ICE2: variants seen among roughly 807,000 people sequenced by gnomAD.
ICE2 encodes little elongation complex subunit 2.
In ICE2, 87 loss-of-function variants were observed where a neutral mutation model predicts 105.4. The observed-to-expected ratio is 0.83, with a 90% CI of 0.69 to 0.99. ICE2 has a LOEUF of 0.99. Among genes scored for constraint, ICE2 ranks in the 50% least tolerant of loss-of-function variants. The pLI, the probability that ICE2 is intolerant of heterozygous loss-of-function variation, is 0.00. For synonymous variants in ICE2, 399 were observed against 392.0 expected, an observed-to-expected ratio of 1.02 and a Z score of -0.21; for missense variants, 1,323 against 1,146.7, an observed-to-expected ratio of 1.15 and a Z score of -2.22.
chr15:60,467,418 A>T (rs1373249133), intron 4 of ICE2, among the ~76,000 whole-genome samples: 1 of 152,256 alleles, frequency 6.6e-6, no homozygotes, highest in Non-Finnish European at 1.5e-5. Context: ...AAAGCAAGAG[A>T]TCATTTTTCC....
intron 12 of ICE2, chr15:60,438,909 T>C (rs1209118578): frequency 7.9e-5 from 12 of 152,234 alleles, no homozygotes; most frequent in Admixed American, 7.9e-4. Flanking sequence ...CACAGTGTGC[T>C]GTACAAATAT....
At chr15:60,431,119 A>T (rs1239138729) in intron 14 of ICE2, among the ~76,000 whole-genome samples, 1 of 150,892 alleles carries the variant, frequency 6.6e-6, no homozygotes, top group East Asian at 2.0e-4. Context: ...TGATCCGCCT[A>T]CCTCGGCCTC....
At chr15:60,425,038 A>G (rs2063311238) in intron 15 of ICE2, among the ~76,000 whole-genome samples, 1 of 152,142 alleles carries the variant, frequency 6.6e-6, no homozygotes, top group Non-Finnish European at 1.5e-5. Flanking sequence ...CTGAAGGGTG[A>G]TAGTGTAACT....
rs192729715 is a variant in ICE2, at chr15:60,459,073, T to C, written c.529-2279A>G. On this transcript the variant is annotated intron_variant, in intron 5 of 15. Coordinates refer to ENST00000261520, the MANE Select transcript of ICE2 (RefSeq NM_024611.6). ...AACAATGTAAATGTATTTAACGTTA[T>C]TGAACTGTACACTTAAATGGTGAAA... Among the ~76,000 whole-genome samples, 8 of 152,300 alleles carry C rather than the reference T, an allele frequency of 5.3e-5. No individual in the cohort carries two copies. In the East Asian group the frequency reaches 1.4e-3, roughly 26 times the overall value.
intron 9 of ICE2, chr15:60,453,294 C>T (rs1191897297): frequency 4.6e-6 from 5 of 1,080,700 alleles, no homozygotes; most frequent in Non-Finnish European, 5.6e-6. Flanking sequence ...TTAACCACCA[C>T]CATCAAGGAG....
Position 60,476,044 on chromosome 15 carries a change from A to T in ICE2, c.146+19T>A. The stretch of plus-strand genomic sequence containing the variant: ...ACGACCATCAAATATGGAAATAAAT[A>T]ACCAAATAAACATATTACCTGTTGG... On this transcript the variant is annotated intron_variant, in intron 3 of 15. Transcript: ENST00000261520. 1 of 1,464,624 alleles carries T rather than the reference A, an allele frequency of 6.8e-7. No homozygotes were observed. Among genetic ancestry groups the T allele is most frequent in the East Asian group, 2.3e-5 (1 of 42,634 alleles). 90.7% of individuals were successfully genotyped at this position (1,464,624 alleles called of 1,614,324 possible). A position where few individuals can be genotyped will look rare whatever the true frequency, so the allele number is the denominator to read the frequency against.
chr15:60,436,120 C>T (rs2063580968), intron 13 of ICE2, 23 bp downstream of exon 13: 3 of 1,023,790 alleles, frequency 2.9e-6, no homozygotes, highest in Non-Finnish European at 2.8e-6. Context: ...TTTCAATTCT[C>T]ACCACAAAGT....
chr15:60,424,866 A>G lies in ICE2; in HGVS notation c.2821-1104T>C, dbSNP rs574557887. 3.9e-5 allele frequency among the ~76,000 whole-genome samples: 6 copies of G among 152,370 alleles called. 1 individual carries two copies. The highest frequency in any genetic ancestry group is 1.4e-4 in the African/African-American group (6 of 41,598). On this transcript the variant is annotated intron_variant, in intron 15 of 15. Transcript: ENST00000261520. The stretch of plus-strand genomic sequence containing the variant: ...TGTAGTCATGTTAAAGATGTGATCT[A>G]TAAAAACAGTAATGGAGAAGGCCAA...
chr15:60,469,166 A>G (rs1286167697), intron 3 of ICE2, among the ~76,000 whole-genome samples: 1 of 152,218 alleles, frequency 6.6e-6, no homozygotes, highest in African/African-American at 2.4e-5. Context: ...ATGGAGCTGG[A>G]GGCCATTATC....
intron 1 of ICE2, 113 bp downstream of exon 1, chr15:60,478,890 G>A (rs980778894): frequency 2.0e-5 from 9 of 447,112 alleles, no homozygotes; most frequent in African/African-American, 1.6e-4. Context: ...CAGGAGCAAA[G>A]GGTCCTGGCC....
At chr15:60,471,278 T>C (rs1484568899) in intron 3 of ICE2, among the ~76,000 whole-genome samples, 5 of 152,202 alleles carry the variant, frequency 3.3e-5, no homozygotes, top group African/African-American at 9.7e-5. Flanking sequence ...TCTCAAATAA[T>C]TGTATAAAAA....
At position 60,419,983 on chromosome 15, in the gene ICE2, G is replaced by A. The variant is rs1350635184; in HGVS notation, c.*3651C>T. ...AATCCTTCAGATGACTGCAGCCCTA[G>A]CCAAGAGCCTGACTGCAACTTCATG... On this transcript the variant is annotated 3_prime_UTR_variant, in exon 16 of 16. Coordinates refer to ENST00000261520, the MANE Select transcript of ICE2 (RefSeq NM_024611.6). 6.6e-6 allele frequency: 1 copy of A among 152,206 alleles called. No individual in the cohort carries two copies. The highest frequency in any genetic ancestry group is 1.5e-5 in the Non-Finnish European group (1 of 68,038). 9.4% of individuals were successfully genotyped at this position (152,206 alleles called of 1,614,324 possible). A position where few individuals can be genotyped will look rare whatever the true frequency, so the allele number is the denominator to read the frequency against.
At chr15:60,426,044 G>A (rs763770829) in intron 15 of ICE2, among the ~76,000 whole-genome samples, 4 of 152,138 alleles carry the variant, frequency 2.6e-5, no homozygotes, top group Admixed American at 2.6e-4. Flanking sequence ...GGATAATCTC[G>A]TTAAGTATTT....
chr15:60,467,887 C>T (rs1418872413), intron 4 of ICE2, among the ~76,000 whole-genome samples, 174 bp downstream of exon 4: 1 of 152,062 alleles, frequency 6.6e-6, no homozygotes. Context: ...GAGCAAAATG[C>T]TTGAACTACA....
chr15:60,452,245 A>C, intron 9 of ICE2: 1 of 926,428 alleles, frequency 1.1e-6, no homozygotes. Context: ...AGAAAAACAT[A>C]AACAAATATA....
chr15:60,424,456 G>A (rs1302538277), intron 15 of ICE2, among the ~76,000 whole-genome samples: 2 of 24,590 alleles, frequency 8.1e-5, no homozygotes, highest in African/African-American at 2.3e-4. Flanking sequence ...CTACCTTCAA[G>A]TCTACCCTTC....
Position 60,456,759 on chromosome 15 carries a change from C to T in ICE2, c.564G>A (p.Lys188=). The T allele has an allele frequency of 3.3e-6, 5 of 1,523,380 alleles. No homozygotes were observed. Among genetic ancestry groups the T allele is most frequent in the Non-Finnish European group, 4.4e-6 (5 of 1,135,948 alleles). 94.4% of individuals were successfully genotyped at this position (1,523,380 alleles called of 1,614,324 possible). Residue 188 remains lysine (K), a synonymous_variant, in exon 6 of 16, where the codon AAG becomes AAA. Coordinates refer to ENST00000261520, the MANE Select transcript of ICE2 (RefSeq NM_024611.6). ...CGTGGAGAGTATAGAATTCTGAATA[C>T]TTTTTCACTTGTTCAATGCAAGCTC... ...ILRACIEQVK[K]YSEFYTLHEV...
At chr15:60,452,845 T>C (rs1038947917) in intron 9 of ICE2, 24 of 985,022 alleles carry the variant, frequency 2.4e-5, no homozygotes, top group East Asian at 1.1e-4. Context: ...CGAGGTCACA[T>C]AGCTACTAAG....
At chr15:60,475,972 G>T in intron 3 of ICE2, 91 bp downstream of exon 3, 1 of 760,330 alleles carries the variant, frequency 1.3e-6, no homozygotes, top group Non-Finnish European at 2.1e-6. Flanking sequence ...TCTATAATTT[G>T]AATGTTTAAT....
Sources: gnomAD v4.1 joint callset for allele counts (sites outside exome capture counted in the v4.1 genomes callset) on GRCh38, gnomAD v4.1.1 for gene constraint, MANE v1.5 for transcripts, NCBI Gene and HGNC (gene_info 2026-07-23, HGNC 2026-07-21) for gene names.